Variants in C12orf54 observed in about 807,000 individuals in gnomAD.
C12orf54 encodes the protein uncharacterized protein C12orf54.
C12orf54 carries 24 observed loss-of-function variants against 26.4 expected under a neutral mutation model. The ratio of observed to expected loss-of-function variants is 0.91; its 90% CI spans 0.66 to 1.28. C12orf54 has a LOEUF of 1.28. Among genes scored for constraint, C12orf54 ranks in the 50% most tolerant of loss-of-function variants. The pLI, the probability that C12orf54 is intolerant of heterozygous loss-of-function variation, is 0.00. For missense variants in C12orf54, 154 were observed against 150.9 expected, an observed-to-expected ratio of 1.02 and a Z score of -0.11; for synonymous variants, 54 against 47.0, an observed-to-expected ratio of 1.15 and a Z score of -0.61.
the C12orf54 span, chr12:48,442,189 TC>T: frequency 5.4e-6 from 1 of 185,258 alleles, no homozygotes; most frequent in East Asian, 1.3e-4. Context: ...AGCGGAGTAA[TC>T]CGGAGCCATA....
At chr12:48,443,853 G>A in the C12orf54 span, among the ~76,000 whole-genome samples, 3 of 152,132 alleles carry the variant, frequency 2.0e-5, no homozygotes, top group South Asian at 4.1e-4. Flanking sequence ...TATCTTTTGT[G>A]TTCATACTGC....
At chr12:48,427,477 G>T in the C12orf54 span, among the ~76,000 whole-genome samples, 1 of 152,086 alleles carries the variant, frequency 6.6e-6, no homozygotes, top group African/African-American at 2.4e-5. Flanking sequence ...GATTCAGTTT[G>T]CTAGTATTTT....
the C12orf54 span, among the ~76,000 whole-genome samples, chr12:48,416,138 T>C: frequency 6.6e-6 from 1 of 152,226 alleles, no homozygotes; most frequent in Non-Finnish European, 1.5e-5. Context: ...AGATGTCACA[T>C]GGAGTCTTGC....
the C12orf54 span, among the ~76,000 whole-genome samples, chr12:48,448,272 A>C: frequency 6.6e-6 from 1 of 152,248 alleles, no homozygotes; most frequent in East Asian, 1.9e-4. Flanking sequence ...CATTTGTTAC[A>C]CAGCAGTAGA....
the C12orf54 span, among the ~76,000 whole-genome samples, chr12:48,436,410 T>C: frequency 3.9e-5 from 6 of 152,176 alleles, no homozygotes; most frequent in African/African-American, 1.4e-4. Context: ...CAAGCGGACC[T>C]AATAGACATC....
chr12:48,433,459 G>A, the C12orf54 span, among the ~76,000 whole-genome samples: 10 of 130,142 alleles, frequency 7.7e-5, no homozygotes, highest in East Asian at 5.1e-4. Flanking sequence ...TTTTTTTGGG[G>A]GGGGGGGGGG....
the C12orf54 span, among the ~76,000 whole-genome samples, chr12:48,476,153 T>C: frequency 6.6e-6 from 1 of 152,132 alleles, no homozygotes; most frequent in African/African-American, 2.4e-5. Flanking sequence ...CTAAGCTTCA[T>C]AAGTGAAGGA....
At chr12:48,420,769 C>CACAGG in the C12orf54 span, among the ~76,000 whole-genome samples, 1 of 152,288 alleles carries the variant, frequency 6.6e-6, no homozygotes, top group African/African-American at 2.4e-5. Flanking sequence ...TGTTGAAAAA[C>CACAGG]TCCCCTGCCT....
the C12orf54 span, among the ~76,000 whole-genome samples, chr12:48,433,462 G>C: frequency 5.3e-5 from 8 of 149,746 alleles, no homozygotes; most frequent in East Asian, 2.1e-4. Flanking sequence ...TTTTGGGGGG[G>C]GGGGGGGCAG....
the C12orf54 span, among the ~76,000 whole-genome samples, chr12:48,440,304 A>C: frequency 1.1e-4 from 16 of 152,200 alleles, no homozygotes; most frequent in Non-Finnish European, 1.5e-5. Flanking sequence ...GTTTATGCTG[A>C]GGAGTTCAAG....
the C12orf54 span, among the ~76,000 whole-genome samples, chr12:48,423,719 G>A: frequency 2.0e-5 from 3 of 152,026 alleles, no homozygotes; most frequent in Non-Finnish European, 4.4e-5. Flanking sequence ...TTTGTACCTT[G>A]TGACTCTGCT....
the C12orf54 span, among the ~76,000 whole-genome samples, chr12:48,438,983 A>G: frequency 6.6e-6 from 1 of 152,220 alleles, no homozygotes; most frequent in Non-Finnish European, 1.5e-5. Flanking sequence ...ACAGAATGGG[A>G]GAAAATTTTT....
At chr12:48,453,373 G>A in the C12orf54 span, among the ~76,000 whole-genome samples, 1 of 151,472 alleles carries the variant, frequency 6.6e-6, no homozygotes, top group Non-Finnish European at 1.5e-5. Context: ...GGATCAGGAA[G>A]AATGGCTAGT....
At chr12:48,432,624 C>T in the C12orf54 span, among the ~76,000 whole-genome samples, 25 of 152,302 alleles carry the variant, frequency 1.6e-4, no homozygotes, top group South Asian at 8.3e-4. Context: ...AATCCCAGCA[C>T]TTTGGAAGGC....
the C12orf54 span, chr12:48,473,201 T>C: frequency 9.9e-6 from 13 of 1,312,492 alleles, no homozygotes; most frequent in Non-Finnish European, 1.4e-5. Context: ...AGGAGGAGTA[T>C]GATGAAGATG....
chr12:48,489,370 A>T, intron 5 of C12orf54: 1 of 297,838 alleles, frequency 3.4e-6, no homozygotes, highest in South Asian at 3.2e-5. Flanking sequence ...TAGAAATAAA[A>T]CCTCTTCCTC....
At chr12:48,487,952 A>G in intron 4 of C12orf54, 1 of 701,286 alleles carries the variant, frequency 1.4e-6, no homozygotes, top group Non-Finnish European at 2.6e-6. Context: ...TGAGATGTTG[A>G]TACCTAAGAA....
At chr12:48,485,162 G>A (rs527247737) in intron 2 of C12orf54, among the ~76,000 whole-genome samples, 346 of 152,088 alleles carry the variant, frequency 2.3e-3, no homozygotes, top group South Asian at 4.4e-3. Flanking sequence ...CTGCAGCCTC[G>A]AACTCCTGGG....
At chr12:48,452,874 T>C in the C12orf54 span, among the ~76,000 whole-genome samples, 8 of 152,024 alleles carry the variant, frequency 5.3e-5, no homozygotes, top group African/African-American at 1.4e-4. Flanking sequence ...AAAAGAAACA[T>C]TTTTACACCG....
Sources: gnomAD v4.1 joint callset for allele counts (sites outside exome capture counted in the v4.1 genomes callset) on GRCh38, gnomAD v4.1.1 for gene constraint, MANE v1.5 for transcripts, NCBI Gene and HGNC (gene_info 2026-07-23, HGNC 2026-07-21) for gene names.